ZNF804B: variants seen among roughly 807,000 people sequenced by gnomAD.
ZNF804B encodes zinc finger 804B.
ZNF804B carries 80 observed loss-of-function variants against 101.4 expected under a neutral mutation model. The observed-to-expected ratio is 0.79, with a 90% CI of 0.66 to 0.95. The LOEUF (loss-of-function observed/expected upper bound fraction) is 0.95, where lower values mean the gene tolerates loss of function less well. Ranked by LOEUF, ZNF804B falls within the 40% of genes least tolerant of loss-of-function variation. The pLI, the probability that ZNF804B is intolerant of heterozygous loss-of-function variation, is 0.00. For missense variants in ZNF804B, 1,673 were observed against 1,561.9 expected (o/e 1.07, Z -1.20); for synonymous variants, 622 against 558.8 (o/e 1.11, Z -1.59).
intron 1 of ZNF804B, among the ~76,000 whole-genome samples, chr7:89,060,661 G>C (rs1017917588): frequency 6.6e-6 from 1 of 152,098 alleles, no homozygotes; most frequent in Non-Finnish European, 1.5e-5. Flanking sequence ...ATGCCAATTT[G>C]ATGTGCTATG....
At chr7:88,846,853 G>T (rs1172068652) in intron 1 of ZNF804B, among the ~76,000 whole-genome samples, 2 of 151,200 alleles carry the variant, frequency 1.3e-5, no homozygotes, top group African/African-American at 2.4e-5. Flanking sequence ...TGTTGTATAT[G>T]TATATATTAG....
At chr7:88,992,072 T>C (rs1029403805) in intron 1 of ZNF804B, among the ~76,000 whole-genome samples, 3 of 152,152 alleles carry the variant, frequency 2.0e-5, no homozygotes, top group Non-Finnish European at 4.4e-5. Context: ...CTGAGTCTGG[T>C]TGCAGATTAA....
intron 1 of ZNF804B, among the ~76,000 whole-genome samples, chr7:88,876,446 A>T (rs1791940006): frequency 1.3e-5 from 2 of 152,170 alleles, no homozygotes; most frequent in Admixed American, 1.3e-4. Context: ...TTATTCCAGC[A>T]TCTATACCTT....
At chr7:88,899,145 C>T (rs543481011) in intron 1 of ZNF804B, among the ~76,000 whole-genome samples, 5 of 152,324 alleles carry the variant, frequency 3.3e-5, no homozygotes, top group African/African-American at 1.2e-4. Flanking sequence ...TAGATCAACA[C>T]TTCATTCCTA....
intron 1 of ZNF804B, among the ~76,000 whole-genome samples, chr7:89,111,210 G>A (rs1472067043): frequency 6.6e-6 from 1 of 152,148 alleles, no homozygotes; most frequent in Non-Finnish European, 1.5e-5. Flanking sequence ...TTTTTGTATG[G>A]ACATAAAAGT....
intron 1 of ZNF804B, among the ~76,000 whole-genome samples, chr7:88,772,507 G>A (rs1306933810): frequency 6.6e-6 from 1 of 152,148 alleles, no homozygotes; most frequent in East Asian, 1.9e-4. Context: ...ATAAGGAGTG[G>A]ACTTGGGTGG....
At chr7:88,904,456 A>G (rs1371159620) in intron 1 of ZNF804B, among the ~76,000 whole-genome samples, 1 of 152,136 alleles carries the variant, frequency 6.6e-6, no homozygotes, top group Non-Finnish European at 1.5e-5. Flanking sequence ...GTTCCACATG[A>G]ATTAAAAAAT....
At chr7:89,329,374 T>C (rs1457732673) in intron 3 of ZNF804B, among the ~76,000 whole-genome samples, 1 of 151,832 alleles carries the variant, frequency 6.6e-6, no homozygotes. Context: ...TTAAATACTT[T>C]ATTTTAGTAG....
intron 1 of ZNF804B, among the ~76,000 whole-genome samples, chr7:88,806,616 G>GGTGTGTGT (rs145554500): frequency 2.0e-5 from 3 of 149,004 alleles, no homozygotes; most frequent in Non-Finnish European, 1.5e-5. Context: ...TCATTTGAGG[G>GGTGTGTGT]GTGTGTGTGT....
chr7:89,176,591 C>CTTTTTTTTT (rs35866405), intron 1 of ZNF804B, among the ~76,000 whole-genome samples: 164 of 71,936 alleles, frequency 2.3e-3, no homozygotes, highest in East Asian at 5.8e-3. Flanking sequence ...TTCTTTCTTT[C>CTTTTTTTTT]TTTTTTTTTT....
chr7:89,052,388 C>T (rs931082746), intron 1 of ZNF804B, among the ~76,000 whole-genome samples: 1 of 152,054 alleles, frequency 6.6e-6, no homozygotes, highest in Non-Finnish European at 1.5e-5. Context: ...TACAGGATAA[C>T]CAAAGCTATG....
intron 1 of ZNF804B, among the ~76,000 whole-genome samples, chr7:89,065,871 C>A (rs1583966020): frequency 6.6e-6 from 1 of 152,100 alleles, no homozygotes. Context: ...TTCCTTATGC[C>A]CATCTCCTGA....
intron 1 of ZNF804B, among the ~76,000 whole-genome samples, chr7:88,918,645 G>C (rs1792672920): frequency 6.6e-6 from 1 of 152,078 alleles, no homozygotes; most frequent in African/African-American, 2.4e-5. Context: ...ATTTTTGACT[G>C]TTATATAGCA....
chr7:89,124,959 G>C (rs1414601691), intron 1 of ZNF804B, among the ~76,000 whole-genome samples: 1 of 151,454 alleles, frequency 6.6e-6, no homozygotes, highest in Non-Finnish European at 1.5e-5. Flanking sequence ...GTTTTTTATT[G>C]CTCTCATACC....
At chr7:89,188,552 G>C (rs1788408846) in intron 1 of ZNF804B, among the ~76,000 whole-genome samples, 2 of 152,138 alleles carry the variant, frequency 1.3e-5, no homozygotes, top group South Asian at 4.1e-4. Flanking sequence ...CAAAAGCTGA[G>C]ATATGCTGAA....
At chr7:89,169,507 A>G (rs1791193615) in intron 1 of ZNF804B, among the ~76,000 whole-genome samples, 2 of 152,102 alleles carry the variant, frequency 1.3e-5, no homozygotes, top group African/African-American at 4.8e-5. Flanking sequence ...AGGTGTGGTC[A>G]CCTTCCCCAG....
At chr7:89,072,893 G>C (rs1332950155) in intron 1 of ZNF804B, among the ~76,000 whole-genome samples, 7 of 151,934 alleles carry the variant, frequency 4.6e-5, no homozygotes, top group African/African-American at 9.7e-5. Flanking sequence ...ATATATGAGA[G>C]CTCAGAAATG....
At chr7:89,096,726 G>T (rs1204698172) in intron 1 of ZNF804B, among the ~76,000 whole-genome samples, 2 of 151,992 alleles carry the variant, frequency 1.3e-5, no homozygotes, top group Non-Finnish European at 2.9e-5. Context: ...TTTGAACATG[G>T]GCTTTCTGTT....
chr7:88,958,147 T>C (rs956323078), intron 1 of ZNF804B, among the ~76,000 whole-genome samples: 2 of 151,430 alleles, frequency 1.3e-5, no homozygotes, highest in Non-Finnish European at 3.0e-5. Flanking sequence ...AAACATGAGC[T>C]AAACAATTGG....
Sources: allele counts gnomAD v4.1 joint callset (sites outside exome capture counted in the v4.1 genomes callset), GRCh38; gene constraint gnomAD v4.1.1; transcripts MANE v1.5; gene names NCBI Gene and HGNC (gene_info 2026-07-23, HGNC 2026-07-21).